The following TENM3 variants were observed in gnomAD, a reference collection of about 807,000 sequenced individuals.
TENM3 encodes teneurin-3.
Under a neutral mutation model 255.1 loss-of-function variants are expected in TENM3, and 63 were observed. That is an observed-to-expected ratio of 0.25 (90% CI 0.20 to 0.30). The LOEUF is 0.30. Among genes scored for constraint, TENM3 ranks in the 10% least tolerant of loss-of-function variants. TENM3 has a pLI of 1.00. For synonymous variants in TENM3, 1,306 were observed against 1,322.3 expected (o/e 0.99, Z 0.27); for missense variants, 2,929 against 3,461.1 (o/e 0.85, Z 3.86).
chr4:182,391,427 G>C (rs183116982), intron 3 of TENM3, among the ~76,000 whole-genome samples: 86 of 152,302 alleles, frequency 5.6e-4, no homozygotes, highest in African/African-American at 1.9e-3. Context: ...AGCGCTCATT[G>C]TGAGGCTTGA....
intron 1 of TENM3, among the ~76,000 whole-genome samples, chr4:182,294,931 G>A (rs775287520): frequency 6.6e-6 from 1 of 152,070 alleles, no homozygotes; most frequent in Non-Finnish European, 1.5e-5. Context: ...ATAATTTTGG[G>A]ATGCTTATTC....
the TENM3 span, among the ~76,000 whole-genome samples, chr4:182,009,062 G>A: frequency 6.6e-6 from 1 of 152,166 alleles, no homozygotes; most frequent in African/African-American, 2.4e-5. Context: ...CCTGTGCCTG[G>A]AGATGTCACT....
the TENM3 span, among the ~76,000 whole-genome samples, chr4:181,961,234 A>G: frequency 6.6e-6 from 1 of 152,228 alleles, no homozygotes; most frequent in Non-Finnish European, 1.5e-5. Context: ...GAAAAGGTCA[A>G]GCACCACGTA....
At chr4:181,601,395 G>C in the TENM3 span, among the ~76,000 whole-genome samples, 3 of 152,142 alleles carry the variant, frequency 2.0e-5, no homozygotes, top group Non-Finnish European at 4.4e-5. Context: ...AAGGCCAGAA[G>C]TCCAAGGTCA....
chr4:181,955,843 A>G, the TENM3 span, among the ~76,000 whole-genome samples: 1 of 152,206 alleles, frequency 6.6e-6, no homozygotes, highest in African/African-American at 2.4e-5. Flanking sequence ...GGAAAGGGTT[A>G]GGTGGTACCA....
chr4:182,456,768 A>G (rs1045035330), intron 3 of TENM3, among the ~76,000 whole-genome samples: 1 of 152,234 alleles, frequency 6.6e-6, no homozygotes, highest in Admixed American at 6.5e-5. Context: ...TAGGTGAGGA[A>G]TGTTGGAAGG....
At chr4:181,655,996 G>A in the TENM3 span, among the ~76,000 whole-genome samples, 2 of 152,150 alleles carry the variant, frequency 1.3e-5, no homozygotes, top group African/African-American at 2.4e-5. Flanking sequence ...TGCATTTGAG[G>A]AGGCTCTGCC....
chr4:181,492,384 G>A, the TENM3 span, among the ~76,000 whole-genome samples: 3 of 152,150 alleles, frequency 2.0e-5, no homozygotes. Context: ...TTGTAAGTAT[G>A]AAGCAATAAA....
chr4:181,818,165 G>A, the TENM3 span, among the ~76,000 whole-genome samples: 625 of 152,276 alleles, frequency 4.1e-3, 4 homozygotes, highest in African/African-American at 0.014. Context: ...CATGAGTTGC[G>A]ATGGTCAGTT....
intron 3 of TENM3, among the ~76,000 whole-genome samples, chr4:182,369,691 G>T (rs951218900): frequency 1.3e-5 from 2 of 152,064 alleles, no homozygotes. Flanking sequence ...GACCAGCTTG[G>T]TCAACATGGT....
chr4:181,759,681 G>A, the TENM3 span, among the ~76,000 whole-genome samples: 3 of 150,106 alleles, frequency 2.0e-5, no homozygotes, highest in South Asian at 4.2e-4. Context: ...TTGTAATTAA[G>A]TAAAGAGGAA....
At chr4:181,632,315 C>T in the TENM3 span, among the ~76,000 whole-genome samples, 2 of 152,118 alleles carry the variant, frequency 1.3e-5, no homozygotes, top group Non-Finnish European at 2.9e-5. Flanking sequence ...AAATCCACCT[C>T]CATGATCCAA....
intron 4 of TENM3, among the ~76,000 whole-genome samples, chr4:182,608,371 G>C (rs1748634827): frequency 6.6e-6 from 1 of 152,092 alleles, no homozygotes; most frequent in African/African-American, 2.4e-5. Context: ...CAATCCTTCT[G>C]CCTCAGCCTC....
chr4:182,799,740 G>T lies in TENM3; in HGVS notation c.7489G>T (p.Gly2497Cys), dbSNP rs1378742151. The T allele has an allele frequency of 6.4e-7, 1 of 1,560,914 alleles. No homozygotes were observed. Among genetic ancestry groups the T allele is most frequent in the African/African-American group, 1.4e-5 (1 of 73,522 alleles). ...GTTCGCCACGGTCAAGTCGCTGATC[G>T]GCAAGGGCGTCATGCTGGCCGTCAG... is the stretch of plus-strand genomic sequence containing the variant. The part of the protein sequence containing the change: ...LWFATVKSLI[G>C]KGVMLAVSQG... The change falls in exon 28 of 28, where the codon GGC becomes TGC. Residue 2497 changes from glycine (G) to cysteine (C), a missense_variant. By Grantham distance (159) the Gly-to-Cys change is radical (BLOSUM62 -3). Coordinates refer to ENST00000511685, the MANE Select transcript of TENM3 (RefSeq NM_001080477.4). This position sits in a 1 kb window ranked among gnomAD's most constrained non-coding sequence, Gnocchi z 4.2.
intron 1 of TENM3, among the ~76,000 whole-genome samples, chr4:182,302,663 G>A (rs1429189664): frequency 6.6e-6 from 1 of 152,092 alleles, no homozygotes; most frequent in African/African-American, 2.4e-5. Flanking sequence ...TATTTAAGGA[G>A]CGTGTGATAA....
chr4:182,700,065 G>C (rs1757732128), intron 12 of TENM3, among the ~76,000 whole-genome samples: 1 of 152,184 alleles, frequency 6.6e-6, no homozygotes, highest in Non-Finnish European at 1.5e-5. Flanking sequence ...GCAAGGAAGA[G>C]AAAGATTCTC....
chr4:181,851,014 A>G, the TENM3 span, among the ~76,000 whole-genome samples: 131 of 127,144 alleles, frequency 1.0e-3, no homozygotes, highest in Middle Eastern at 3.8e-3. Context: ...GAATGGGAAA[A>G]GGATGAATTG....
the TENM3 span, among the ~76,000 whole-genome samples, chr4:181,533,336 T>A: frequency 6.6e-6 from 1 of 152,156 alleles, no homozygotes; most frequent in Non-Finnish European, 1.5e-5. Context: ...ATCATCACTT[T>A]TAATACAAAA....
At chr4:181,577,056 A>T in the TENM3 span, among the ~76,000 whole-genome samples, 2 of 116,884 alleles carry the variant, frequency 1.7e-5, no homozygotes, top group Non-Finnish European at 3.5e-5. Context: ...ATAATAATAA[A>T]TTATATATTA....
Sources: allele counts gnomAD v4.1 joint callset (sites outside exome capture counted in the v4.1 genomes callset), GRCh38; gene constraint gnomAD v4.1.1; non-coding constraint Gnocchi (gnomAD v3.1); transcripts MANE v1.5; gene names NCBI Gene and HGNC (gene_info 2026-07-23, HGNC 2026-07-21).